The following ZBTB46 variants were observed in gnomAD, a reference collection of about 807,000 sequenced individuals.
ZBTB46 encodes the protein zinc finger and BTB domain-containing protein 46.
Under a neutral mutation model 44.1 loss-of-function variants are expected in ZBTB46, and 8 were observed. The ratio of observed to expected loss-of-function variants is 0.18; its 90% CI spans 0.11 to 0.33. The LOEUF is 0.33. Among genes scored for constraint, ZBTB46 ranks in the 10% least tolerant of loss-of-function variants. The probability of loss-of-function intolerance (pLI) is 1.00; values close to 1 mark genes in which losing one functional copy is unlikely to be tolerated. For synonymous variants in ZBTB46, 409 were observed against 382.3 expected (o/e 1.07, Z -0.81); for missense variants, 651 against 847.7 (o/e 0.77, Z 2.88).
chr20:63,770,892 G>A (rs2092363606), intron 3 of ZBTB46, among the ~76,000 whole-genome samples: 1 of 152,146 alleles, frequency 6.6e-6, no homozygotes, highest in Non-Finnish European at 1.5e-5. Flanking sequence ...CTAACAAGAG[G>A]CCCAGCCCTG....
chr20:63,794,636 C>T (rs982258568), intron 1 of ZBTB46, among the ~76,000 whole-genome samples: 3 of 152,230 alleles, frequency 2.0e-5, no homozygotes, highest in Non-Finnish European at 4.4e-5. Flanking sequence ...CATCAGAAAT[C>T]TGCTCGTGGG....
chr20:63,794,933 G>T (rs1048012011), intron 1 of ZBTB46, among the ~76,000 whole-genome samples: 1 of 152,210 alleles, frequency 6.6e-6, no homozygotes, highest in Non-Finnish European at 1.5e-5. Context: ...TCAGGTCCCC[G>T]TGTGGCACCC....
At chr20:63,822,231 G>C (rs2092796144) in intron 1 of ZBTB46, among the ~76,000 whole-genome samples, 1 of 152,196 alleles carries the variant, frequency 6.6e-6, no homozygotes, top group Non-Finnish European at 1.5e-5. Flanking sequence ...ACAGCGTCGG[G>C]AACCGGAGGT....
At chr20:63,831,470 G>T (rs1201091321), upstream of ZBTB46, among the ~76,000 whole-genome samples, 2 of 145,324 alleles carry the variant, frequency 1.4e-5, no homozygotes, top group Admixed American at 1.4e-4. Flanking sequence ...GCCGCGCCGC[G>T]GGGTCGCAGG....
At chr20:63,815,488 T>C (rs868350588) in intron 1 of ZBTB46, among the ~76,000 whole-genome samples, 75 of 124,818 alleles carry the variant, frequency 6.0e-4, no homozygotes, top group African/African-American at 2.3e-3. Flanking sequence ...GTGCAGTGAG[T>C]GCAGGTGGGC....
chr20:63,793,815 G>A (rs932916257), intron 1 of ZBTB46, among the ~76,000 whole-genome samples: 2 of 133,540 alleles, frequency 1.5e-5, no homozygotes, highest in Non-Finnish European at 3.2e-5. Context: ...ATCCAATCAG[G>A]GCAGCTTAAA....
At chr20:63,830,727 C>G (rs897998482) in intron 1 of ZBTB46, among the ~76,000 whole-genome samples, 1 of 147,038 alleles carries the variant, frequency 6.8e-6, no homozygotes, top group Admixed American at 6.7e-5. Context: ...TCGGAGGTGC[C>G]GGGGAGGGAG....
At chr20:63,792,647 C>T (rs1225219967) in intron 1 of ZBTB46, among the ~76,000 whole-genome samples, 2 of 152,132 alleles carry the variant, frequency 1.3e-5, no homozygotes, top group African/African-American at 4.8e-5. Flanking sequence ...TCCCGAGTAG[C>T]TGGGACTACA....
chr20:63,797,481 A>G (rs577230128), intron 1 of ZBTB46, among the ~76,000 whole-genome samples: 2 of 152,286 alleles, frequency 1.3e-5, no homozygotes, highest in African/African-American at 4.8e-5. Flanking sequence ...ATGTGTCTTT[A>G]TAGCAACATG....
At chr20:63,757,096 G>A (rs2092227353) in intron 3 of ZBTB46, among the ~76,000 whole-genome samples, 1 of 152,148 alleles carries the variant, frequency 6.6e-6, no homozygotes, top group Admixed American at 6.5e-5. Flanking sequence ...AGTAATTTTT[G>A]TGCTTGGTCA....
rs1007052050 is a variant in ZBTB46, at chr20:63,745,865, G to A, written c.*1065C>T. 1.3e-5 allele frequency: 2 copies of A among 152,482 alleles called. No homozygotes were observed. The highest frequency in any genetic ancestry group is 2.4e-5 in the African/African-American group (1 of 41,462). 9.4% of individuals were successfully genotyped at this position (152,482 alleles called of 1,614,324 possible). ...GAGTGCTTCTGAAAACACAGCAAGA[G>A]GACTTGAGCACAAGCTAAAGGAAAA... On this transcript the variant is annotated 3_prime_UTR_variant, in exon 5 of 5. Coordinates refer to ENST00000245663, the MANE Select transcript of ZBTB46 (RefSeq NM_001369741.1).
intron 3 of ZBTB46, chr20:63,775,466 A>G (rs3810495): frequency 0.56 from 310,106 of 554,674 alleles, 87,866 homozygotes; most frequent in South Asian, 0.62. Flanking sequence ...AACCGCGTCC[A>G]TTCCCTCCTC....
At chr20:63,749,096 G>A (rs1392865939) in intron 4 of ZBTB46, among the ~76,000 whole-genome samples, 2 of 152,192 alleles carry the variant, frequency 1.3e-5, no homozygotes, top group Admixed American at 6.5e-5. Flanking sequence ...CCACAAAGCC[G>A]GGAACCATAA....
In ZBTB46 at chr20:63,752,569, C is replaced by A. The variant is rs995948199; in HGVS notation, c.1398+117G>T. ...TCTCCCTGCCCTGCTGTCGTCCCCCCTGTGCAGAGTGGACCCGGTGTGGGG... is the reference window on the plus strand; with the variant it reads ...TCTCCCTGCCCTGCTGTCGTCCCCCATGTGCAGAGTGGACCCGGTGTGGGG... On this transcript the variant is annotated intron_variant, in intron 4 of 4. Coordinates refer to ENST00000245663, the MANE Select transcript of ZBTB46 (RefSeq NM_001369741.1). The surrounding 1 kb of genome is among the most constrained non-coding windows in gnomAD (Gnocchi z 5.6). 20 of 1,257,666 alleles carry A rather than the reference C, an allele frequency of 1.6e-5. No individual in the cohort carries two copies. Among genetic ancestry groups the A allele is most frequent in the East Asian group, 2.9e-5 (1 of 34,668 alleles). The allele number at this position is 1,257,666 out of a possible 1,614,324, so 77.9% of individuals were successfully genotyped here.
chr20:63,829,940 G>C (rs2092839033), intron 1 of ZBTB46, among the ~76,000 whole-genome samples: 1 of 152,174 alleles, frequency 6.6e-6, no homozygotes, highest in Non-Finnish European at 1.5e-5. Context: ...ACAGGTGTCT[G>C]CGCCCAGGCC....
chr20:63,777,884 GAC>G (rs1443066235), intron 2 of ZBTB46, among the ~76,000 whole-genome samples: 1 of 152,198 alleles, frequency 6.6e-6, no homozygotes, highest in African/African-American at 2.4e-5. Flanking sequence ...GACGAAGCCA[GAC>G]ACAGAACCAC....
At chr20:63,799,729 G>A (rs906197621) in intron 1 of ZBTB46, among the ~76,000 whole-genome samples, 2 of 152,168 alleles carry the variant, frequency 1.3e-5, no homozygotes, top group African/African-American at 4.8e-5. Context: ...CACATGGACA[G>A]AGGCTTCCCC....
In ZBTB46 at chr20:63,751,731, G is replaced by GC. The variant is rs528626654; in HGVS notation, c.1398+954dup. 6.5e-4 allele frequency among the ~76,000 whole-genome samples: 58 copies of GC among 89,638 alleles called. 6 individuals are homozygous for GC. Among genetic ancestry groups the GC allele is most frequent in the Admixed American group, 1.2e-3 (11 of 9,292 alleles). The allele number at this position is 89,638 out of a possible 152,430, so 58.8% of individuals were successfully genotyped here. The stretch of plus-strand genomic sequence containing the variant: ...GCCCCCCGGTGGGTCGCACCATGAA[G>GC]CCCCGCCCCCCGGTGGGTCTCCCAT... On this transcript the variant is annotated intron_variant, in intron 4 of 4. Coordinates refer to ENST00000245663, the MANE Select transcript of ZBTB46 (RefSeq NM_001369741.1).
At chr20:63,785,785 T>C (rs2092509831) in intron 2 of ZBTB46, among the ~76,000 whole-genome samples, 1 of 152,282 alleles carries the variant, frequency 6.6e-6, no homozygotes, top group African/African-American at 2.4e-5. Context: ...CCATCCTCCA[T>C]CCTCACACAG....
Sources: gnomAD v4.1 joint callset for allele counts (sites outside exome capture counted in the v4.1 genomes callset) on GRCh38, gnomAD v4.1.1 for gene constraint, Gnocchi (gnomAD v3.1) non-coding constraint, MANE v1.5 for transcripts, NCBI Gene and HGNC (gene_info 2026-07-23, HGNC 2026-07-21) for gene names.